ZCCHC4: variants seen among roughly 807,000 people sequenced by gnomAD.
ZCCHC4 encodes the protein rRNA N(6)-adenosine-methyltransferase ZCCHC4.
In ZCCHC4, 54 loss-of-function variants were observed where a neutral mutation model predicts 67.7. The ratio of observed to expected loss-of-function variants is 0.80; its 90% confidence interval spans 0.64 to 1.00. The LOEUF (loss-of-function observed/expected upper bound fraction) is 1.00. Ranked by LOEUF, ZCCHC4 falls within the 50% of genes least tolerant of loss-of-function variation. ZCCHC4 has a pLI of 0.00. For missense variants in ZCCHC4, 609 were observed against 617.0 expected (o/e 0.99, Z 0.14); for synonymous variants, 198 against 213.5 (o/e 0.93, Z 0.63).
At chr4:25,322,732 G>T (rs1459481829) in intron 3 of ZCCHC4, among the ~76,000 whole-genome samples, 1 of 152,052 alleles carries the variant, frequency 6.6e-6, no homozygotes. Flanking sequence ...TGGTCAGGCT[G>T]GTCTTGAACT....
At position 25,343,785 on chromosome 4, in the gene ZCCHC4, A is replaced by G. The variant is rs146099160; in HGVS notation, c.687-1763A>G. ...ATTAAATATTCACCATGGATGCTCAATCAGTTACAGACAGTAATGGGTAAC... is the reference window on the plus strand; with the variant it reads ...ATTAAATATTCACCATGGATGCTCAGTCAGTTACAGACAGTAATGGGTAAC... On this transcript the variant is annotated intron_variant, in intron 5 of 12. Transcript: ENST00000302874. Among the ~76,000 whole-genome samples the G allele has an allele frequency of 3.3e-3, 508 of 152,354 alleles. 1 individual carries two copies. Among genetic ancestry groups the G allele is most frequent in the African/African-American group, 0.012 (489 of 41,580 alleles).
At position 25,326,696 on chromosome 4, in the gene ZCCHC4, T is replaced by G. The variant is rs538554152; in HGVS notation, c.330-6487T>G. Among the ~76,000 whole-genome samples the G allele has an allele frequency of 1.2e-4, 19 of 152,318 alleles. 1 individual carries two copies. Among genetic ancestry groups the G allele is most frequent in the African/African-American group, 4.6e-4 (19 of 41,582 alleles). On this transcript the variant is annotated intron_variant, in intron 3 of 12. Transcript: ENST00000302874. ...TAGGTCCTTTTTATTTTCATATGAATTTTTTGAATGAGGTTTTCAGTTTCT... is the reference window on the plus strand; with the variant it reads ...TAGGTCCTTTTTATTTTCATATGAAGTTTTTGAATGAGGTTTTCAGTTTCT...
chr4:25,358,724 T>G lies in ZCCHC4; in HGVS notation c.1012-3135T>G, dbSNP rs374939557. Among the ~76,000 whole-genome samples the G allele has an allele frequency of 2.0e-5, 3 of 152,242 alleles. No individual in the cohort carries two copies. The East Asian group carries it at 5.8e-4, about 29-fold the overall frequency. Reference sequence around the variant, plus strand: ...GGTTTGGAGCACAGGTGCACAACTCTGCACGTTATGTAACCACACCGCAGG... The same window carrying G: ...GGTTTGGAGCACAGGTGCACAACTCGGCACGTTATGTAACCACACCGCAGG... On this transcript the variant is annotated intron_variant, in intron 8 of 12. Coordinates refer to ENST00000302874, the MANE Select transcript of ZCCHC4 (RefSeq NM_024936.3).
chr4:25,332,669 T>TATA (rs1375905475), intron 3 of ZCCHC4, among the ~76,000 whole-genome samples: 1 of 152,224 alleles, frequency 6.6e-6, no homozygotes, highest in African/African-American at 2.4e-5. Context: ...GAGGTGAGCT[T>TATA]ATAACTCCAT....
chr4:25,351,631 A>T lies in ZCCHC4; in HGVS notation c.953A>T (p.Tyr318Phe), dbSNP rs911234930. The change falls in exon 8 of 13, where the codon TAT becomes TTT. Residue 318 changes from tyrosine (Y) to phenylalanine (F), a missense_variant. Coordinates refer to ENST00000302874, the MANE Select transcript of ZCCHC4 (RefSeq NM_024936.3). ...CTACCCATTTTCTGGATTTTCCCCT[A>T]TTTTTTTGAATCCCGAATTTGTCAG... The part of the protein sequence containing the change: ...KELPIFWIFP[Y>F]FFESRICQFF... 4 of 1,612,140 alleles carry T rather than the reference A, an allele frequency of 2.5e-6. No homozygotes were observed. The East Asian group carries it at 8.9e-5, about 36-fold the overall frequency.
intron 11 of ZCCHC4, among the ~76,000 whole-genome samples, 169 bp downstream of exon 11, chr4:25,364,674 TC>T (rs1054277929): frequency 3.3e-5 from 5 of 152,238 alleles, no homozygotes; most frequent in African/African-American, 7.2e-5. Flanking sequence ...TCTGCCATGT[TC>T]CGCCTTGCAT....
At chr4:25,324,056 G>A (rs1718731677) in intron 3 of ZCCHC4, among the ~76,000 whole-genome samples, 1 of 112,360 alleles carries the variant, frequency 8.9e-6, no homozygotes, top group African/African-American at 3.5e-5. Context: ...TCTGCTGCCA[G>A]GCTGGAGTGC....
intron 1 of ZCCHC4, among the ~76,000 whole-genome samples, chr4:25,313,509 G>C (rs1718065887): frequency 6.6e-6 from 1 of 152,200 alleles, no homozygotes; most frequent in South Asian, 2.1e-4. Context: ...TCTTTCTGAA[G>C]AGACCGGTTT....
chr4:25,326,421 G>C (rs1718889100), intron 3 of ZCCHC4, among the ~76,000 whole-genome samples: 1 of 152,228 alleles, frequency 6.6e-6, no homozygotes, highest in Non-Finnish European at 1.5e-5. Context: ...TGTATTCACA[G>C]GTTCCATATT....
intron 3 of ZCCHC4, among the ~76,000 whole-genome samples, chr4:25,329,447 C>A (rs1192324462): frequency 6.7e-6 from 1 of 149,986 alleles, no homozygotes; most frequent in Non-Finnish European, 1.5e-5. Context: ...AGCCCCTGAA[C>A]TACTGTTATT....
chr4:25,361,632 GA>G, intron 8 of ZCCHC4: 2 of 483,380 alleles, frequency 4.1e-6, no homozygotes, highest in East Asian at 3.6e-5. Context: ...TGCCCAGAGA[GA>G]AAAAGCCATG....
intron 6 of ZCCHC4, among the ~76,000 whole-genome samples, chr4:25,348,272 A>G (rs80075467): frequency 0.028 from 4,239 of 152,336 alleles, 93 homozygotes; most frequent in Middle Eastern, 0.058. Flanking sequence ...TTTTCCTCTT[A>G]TCAGTGGGAT....
chr4:25,345,041 A>G (rs999585811), intron 5 of ZCCHC4, among the ~76,000 whole-genome samples: 2 of 152,080 alleles, frequency 1.3e-5, no homozygotes, highest in Non-Finnish European at 2.9e-5. Context: ...TAGCTCAAGC[A>G]ATCTGCCTGC....
Position 25,361,696 on chromosome 4 carries a change from AC to A in ZCCHC4, c.1012-160del, listed in dbSNP as rs1250438341. The A allele has an allele frequency of 6.2e-5, 41 of 658,000 alleles. 1 individual carries two copies. In the Admixed American group the frequency reaches 1.1e-3, roughly 17 times the overall value. 40.8% of individuals were successfully genotyped at this position (658,000 alleles called of 1,614,324 possible). ...TATTCCAGCTACCCACCACTGGTCC[AC>A]CCACTCCCCTCAGTCCTCAGCTTGG... On this transcript the variant is annotated intron_variant, in intron 8 of 12. Coordinates refer to ENST00000302874, the MANE Select transcript of ZCCHC4 (RefSeq NM_024936.3).
intron 5 of ZCCHC4, among the ~76,000 whole-genome samples, chr4:25,334,319 A>C (rs1484628513): frequency 6.6e-6 from 1 of 152,236 alleles, no homozygotes; most frequent in African/African-American, 2.4e-5. Flanking sequence ...AAACTGCCTC[A>C]TACTTAATCA....
chr4:25,337,721 C>T (rs1360821461), intron 5 of ZCCHC4, among the ~76,000 whole-genome samples: 1 of 152,210 alleles, frequency 6.6e-6, no homozygotes, highest in African/African-American at 2.4e-5. Context: ...TTGCCAGCAG[C>T]ACTCATGTTC....
At chr4:25,317,602 T>C (rs933154722) in intron 3 of ZCCHC4, among the ~76,000 whole-genome samples, 13 of 149,132 alleles carry the variant, frequency 8.7e-5, no homozygotes, top group Non-Finnish European at 1.5e-4. Flanking sequence ...TCCCAGTTAC[T>C]TGGGAGGCTG....
rs115985722 is a variant in ZCCHC4 at position 25,342,752 on chromosome 4, T to C, written c.687-2796T>C. On this transcript the variant is annotated intron_variant, in intron 5 of 12. Coordinates refer to ENST00000302874, the MANE Select transcript of ZCCHC4 (RefSeq NM_024936.3). ...GGAGAGAATAATTCTTTGTGGCCAA[T>C]TTCATTTTAAGAGGGCAATGTTGAG... is the stretch of plus-strand genomic sequence containing the variant. Among the ~76,000 whole-genome samples, 826 of 152,316 alleles carry C rather than the reference T, an allele frequency of 5.4e-3. 8 individuals are homozygous for C. Among genetic ancestry groups the C allele is most frequent in the Middle Eastern group, 0.027 (8 of 294 alleles).
chr4:25,343,633 G>T (rs1719856319), intron 5 of ZCCHC4, among the ~76,000 whole-genome samples: 1 of 152,078 alleles, frequency 6.6e-6, no homozygotes, highest in Non-Finnish European at 1.5e-5. Context: ...GAAAGGTTAA[G>T]TAACTTACTA....
Sources: gnomAD v4.1 joint callset for allele counts (sites outside exome capture counted in the v4.1 genomes callset) on GRCh38, gnomAD v4.1.1 for gene constraint, MANE v1.5 for transcripts, NCBI Gene and HGNC (gene_info 2026-07-23, HGNC 2026-07-21) for gene names.